Variants in ZEB1 observed in about 807,000 individuals in gnomAD.
ZEB1 encodes zinc finger E-box binding homeobox 1.
In ZEB1, 21 loss-of-function variants were observed where a neutral mutation model predicts 84.9. The ratio of observed to expected loss-of-function variants is 0.25; its 90% CI spans 0.18 to 0.36. The LOEUF (loss-of-function observed/expected upper bound fraction) is 0.36, where lower values mean the gene tolerates loss of function less well. Among genes scored for constraint, ZEB1 ranks in the 10% least tolerant of loss-of-function variants. The probability of loss-of-function intolerance (pLI) is 1.00; values close to 1 mark genes in which losing one functional copy is unlikely to be tolerated. For missense variants in ZEB1, 1,104 were observed against 1,330.2 expected (o/e 0.83, Z 2.65); for synonymous variants, 420 against 471.1 (o/e 0.89, Z 1.41).
chr10:31,524,835 C>A (rs1050788813), intron 8 of ZEB1, among the ~76,000 whole-genome samples: 1 of 152,060 alleles, frequency 6.6e-6, no homozygotes, highest in Admixed American at 6.5e-5. Context: ...GCAAGCTGTC[C>A]TGGCAAGTCA....
At chr10:31,506,756 GTTATTA>G (rs906692586) in intron 4 of ZEB1, among the ~76,000 whole-genome samples, 2 of 152,090 alleles carry the variant, frequency 1.3e-5, no homozygotes, top group African/African-American at 4.8e-5. Flanking sequence ...ATCCGTTTAT[GTTATTA>G]TTATTGATAT....
In ZEB1 at chr10:31,510,710, A is replaced by G. The variant is rs1243875809; in HGVS notation, c.522A>G (p.Pro174=). The G allele has an allele frequency of 5.6e-6, 9 of 1,613,726 alleles. No individual in the cohort carries two copies. The Admixed American group carries it at 1.3e-4, about 24-fold the overall frequency. ...PDAFSQLLTC[P]YCDRGYKRFT... is the part of the protein sequence containing the mutation. ...CATTTTCACAATTACTCACCTGTCC[A>G]TATTGTGATAGAGGCTATAAACGCT... The change falls in exon 5 of 9, where the codon CCA becomes CCG. Residue 174 remains proline, a synonymous_variant. Coordinates refer to ENST00000424869, the MANE Select transcript of ZEB1 (RefSeq NM_001174096.2).
At chr10:31,461,706 A>G (rs1402419590) in intron 2 of ZEB1, among the ~76,000 whole-genome samples, 1 of 152,064 alleles carries the variant, frequency 6.6e-6, no homozygotes, top group Non-Finnish European at 1.5e-5. Context: ...TTCACTTTAA[A>G]TTTTTACTTT....
intron 6 of ZEB1, among the ~76,000 whole-genome samples, chr10:31,516,450 A>G (rs2071116219): frequency 6.7e-6 from 1 of 149,010 alleles, no homozygotes. Context: ...GTGAAATGCC[A>G]TACATATGCT....
At chr10:31,386,851 T>C (rs1286276347) in intron 1 of ZEB1, among the ~76,000 whole-genome samples, 1 of 152,190 alleles carries the variant, frequency 6.6e-6, no homozygotes, top group African/African-American at 2.4e-5. Context: ...TTTGGCAACC[T>C]ACAGTTTTTC....
chr10:31,331,387 G>A (rs1410524026), intron 1 of ZEB1, among the ~76,000 whole-genome samples: 2 of 151,976 alleles, frequency 1.3e-5, no homozygotes, highest in Admixed American at 6.6e-5. Context: ...CGCCTGGCCC[G>A]AAGTGTTAAA....
chr10:31,480,140 A>G (rs1184956873), intron 2 of ZEB1, among the ~76,000 whole-genome samples: 1 of 152,012 alleles, frequency 6.6e-6, no homozygotes, highest in Non-Finnish European at 1.5e-5. Context: ...GCAATTGGTG[A>G]GTTTTAAAAC....
intron 1 of ZEB1, among the ~76,000 whole-genome samples, chr10:31,454,704 G>C (rs368401610): frequency 6.6e-6 from 1 of 152,090 alleles, no homozygotes; most frequent in Non-Finnish European, 1.5e-5. Context: ...CAGCTTACAA[G>C]GGATGTGAAG....
intron 1 of ZEB1, among the ~76,000 whole-genome samples, chr10:31,325,722 TTTC>T (rs1385060328): frequency 2.0e-5 from 3 of 152,154 alleles, no homozygotes; most frequent in East Asian, 1.9e-4. Context: ...ATTATGTTAA[TTTC>T]TTTTTATTGT....
At chr10:31,333,057 AC>A (rs2037143624) in intron 1 of ZEB1, among the ~76,000 whole-genome samples, 1 of 152,154 alleles carries the variant, frequency 6.6e-6, no homozygotes, top group African/African-American at 2.4e-5. Flanking sequence ...TTGGTGGGGA[AC>A]ATCATCTTCC....
chr10:31,494,578 A>C (rs761762375), intron 2 of ZEB1, among the ~76,000 whole-genome samples: 1 of 152,030 alleles, frequency 6.6e-6, no homozygotes, highest in Non-Finnish European at 1.5e-5. Context: ...CTCAATCAAG[A>C]CTTTTGACTA....
chr10:31,521,116 C>T lies in ZEB1; in HGVS notation c.1784C>T (p.Ser595Phe), dbSNP rs1252311122. ...PSQPPLKNLL[S>F]LLKAYYALNA... ...CAGCCACCTTTAAAGAACCTCTTGT[C>T]TCTCCTAAAAGCATATTATGCTTTG... The change falls in exon 7 of 9, where the codon TCT becomes TTT. Residue 595 changes from serine (S) to phenylalanine (F), a missense_variant. Physicochemically the swap from Ser to Phe is radical, Grantham distance 155. Transcript: ENST00000424869. The T allele has an allele frequency of 6.2e-7, 1 of 1,614,052 alleles. No individual in the cohort carries two copies. Among genetic ancestry groups the T allele is most frequent in the South Asian group, 1.1e-5 (1 of 91,080 alleles).
At chr10:31,342,698 C>A (rs2039613531) in intron 1 of ZEB1, among the ~76,000 whole-genome samples, 5 of 152,030 alleles carry the variant, frequency 3.3e-5, no homozygotes, top group Admixed American at 2.6e-4. Context: ...TTTCTTATTT[C>A]AATTCTAGCT....
intron 1 of ZEB1, chr10:31,360,930 G>A (rs1350010958): frequency 5.7e-6 from 9 of 1,565,604 alleles, no homozygotes; most frequent in Non-Finnish European, 7.8e-6. Flanking sequence ...CTAATAAATT[G>A]CATGTCTGGA....
chr10:31,341,672 G>T (rs1428739238), intron 1 of ZEB1, among the ~76,000 whole-genome samples: 1 of 152,106 alleles, frequency 6.6e-6, no homozygotes, highest in African/African-American at 2.4e-5. Context: ...GGGAAGGTGT[G>T]TGGGCTGAAG....
chr10:31,406,517 T>G (rs1026813296), intron 1 of ZEB1, among the ~76,000 whole-genome samples: 1 of 152,164 alleles, frequency 6.6e-6, no homozygotes, highest in East Asian at 1.9e-4. Flanking sequence ...TCTGTTAATA[T>G]CCTTTGCCCA....
intron 5 of ZEB1, among the ~76,000 whole-genome samples, chr10:31,511,514 T>C (rs1454882049): frequency 6.6e-6 from 1 of 152,212 alleles, no homozygotes; most frequent in Non-Finnish European, 1.5e-5. Flanking sequence ...TGGTTCTATA[T>C]TTAGGATTAA....
rs1035321700 is a variant in ZEB1 at position 31,407,452 on chromosome 10, T to C, written c.59-53585T>C. Among the ~76,000 whole-genome samples the C allele has an allele frequency of 2.1e-3, 318 of 152,164 alleles. 1 individual carries two copies. Among genetic ancestry groups the C allele is most frequent in the Non-Finnish European group, 2.7e-3 (184 of 68,006 alleles). On this transcript the variant is annotated intron_variant, in intron 1 of 8. Transcript: ENST00000424869. ...ATCATTTTTTATGGCTGCATAGTAT[T>C]CCATGGTGTATATGTGCCACATTTT...
At chr10:31,454,994 A>G (rs1021056196) in intron 1 of ZEB1, among the ~76,000 whole-genome samples, 1 of 152,164 alleles carries the variant, frequency 6.6e-6, no homozygotes, top group South Asian at 2.1e-4. Flanking sequence ...GAGGCATCAC[A>G]CTACCTGACT....
Sources: allele counts gnomAD v4.1 joint callset (sites outside exome capture counted in the v4.1 genomes callset), GRCh38; gene constraint gnomAD v4.1.1; transcripts MANE v1.5; gene names NCBI Gene and HGNC (gene_info 2026-07-23, HGNC 2026-07-21).